Variants in IL12RB2 observed in about 807,000 individuals in gnomAD.
The protein encoded by IL12RB2 is interleukin-12 receptor subunit beta-2.
In IL12RB2, 82 loss-of-function variants were observed where a neutral mutation model predicts 89.4. The observed-to-expected ratio is 0.92, with a 90% CI of 0.77 to 1.10. The LOEUF (loss-of-function observed/expected upper bound fraction) is 1.10, where lower values mean the gene tolerates loss of function less well. Among genes scored for constraint, IL12RB2 ranks in the 50% least tolerant of loss-of-function variants. The pLI, the probability that IL12RB2 is intolerant of heterozygous loss-of-function variation, is 0.00. For missense variants in IL12RB2, 963 were observed against 1,031.9 expected (o/e 0.93, Z 0.92); for synonymous variants, 368 against 370.1 (o/e 0.99, Z 0.07).
rs191021644 is a variant in IL12RB2 at position 67,331,788 on chromosome 1, A to G, written c.958+978A>G. Among the ~76,000 whole-genome samples, 315 of 152,258 alleles carry G rather than the reference A, an allele frequency of 2.1e-3. 5 individuals carry two copies. The highest frequency in any genetic ancestry group is 0.02 in the Admixed American group (303 of 15,290). On this transcript the variant is annotated intron_variant, in intron 8 of 16. Coordinates refer to ENST00000674203, the MANE Select transcript of IL12RB2 (RefSeq NM_001374259.2). The stretch of plus-strand genomic sequence containing the variant: ...CAGGAGGCAAAGGTTGCAATGAGCC[A>G]AGATTGTGCCACTGCAATCCAGCCT...
intron 1 of IL12RB2, among the ~76,000 whole-genome samples, chr1:67,313,639 T>C (rs1045219003): frequency 6.6e-6 from 1 of 152,028 alleles, no homozygotes; most frequent in Non-Finnish European, 1.5e-5. Context: ...CTGGCCAACA[T>C]GGTAAAACCC....
intron 14 of IL12RB2, among the ~76,000 whole-genome samples, chr1:67,380,434 T>C (rs1206901752): frequency 3.3e-5 from 5 of 152,220 alleles, no homozygotes; most frequent in Non-Finnish European, 7.3e-5. Context: ...TAGGCAAGGA[T>C]TGATATCTGT....
rs571588703 is a variant in IL12RB2 at position 67,396,492 on chromosome 1, A to C, written c.*403A>C. ...GCACCTGCTACACAGCAGGCTGTAC[A>C]CAGCAGATCAGTACTGTTCAACAGA... On this transcript the variant is annotated 3_prime_UTR_variant, in exon 17 of 17. Coordinates refer to ENST00000674203, the MANE Select transcript of IL12RB2 (RefSeq NM_001374259.2). The C allele has an allele frequency of 1.2e-5, 4 of 341,236 alleles. No homozygotes were observed. The highest frequency in any genetic ancestry group is 8.5e-5 in the African/African-American group (4 of 47,188). 21.1% of individuals were successfully genotyped at this position (341,236 alleles called of 1,614,324 possible). A position where few individuals can be genotyped will look rare whatever the true frequency, so the allele number is the denominator to read the frequency against.
chr1:67,353,763 T>A (rs556414234), intron 10 of IL12RB2, among the ~76,000 whole-genome samples: 31 of 152,332 alleles, frequency 2.0e-4, no homozygotes, highest in African/African-American at 7.2e-4. Flanking sequence ...GTACTGTGTA[T>A]GTAATTTTTA....
intron 16 of IL12RB2, 99 bp from the exon 17 acceptor site, chr1:67,395,448 A>G: frequency 6.2e-7 from 1 of 1,608,732 alleles, no homozygotes; most frequent in Non-Finnish European, 8.5e-7. Context: ...AGGGCTGAGG[A>G]GACAGTGCAG....
At chr1:67,327,334 A>G (rs138300884) in intron 5 of IL12RB2, among the ~76,000 whole-genome samples, 1 of 152,302 alleles carries the variant, frequency 6.6e-6, no homozygotes, top group Admixed American at 6.5e-5. Flanking sequence ...AAGAGTTTCT[A>G]TGTTTATAGT....
intron 1 of IL12RB2, among the ~76,000 whole-genome samples, chr1:67,311,140 C>A (rs550410660): frequency 6.6e-6 from 1 of 152,144 alleles, no homozygotes; most frequent in Non-Finnish European, 1.5e-5. Context: ...GTGTCCTGGG[C>A]GGATCCACTG....
chr1:67,344,609 C>T (rs1660013906), intron 9 of IL12RB2, among the ~76,000 whole-genome samples: 1 of 152,190 alleles, frequency 6.6e-6, no homozygotes, highest in South Asian at 2.1e-4. Flanking sequence ...TACATTTTAT[C>T]TAACCCAGTA....
intron 1 of IL12RB2, among the ~76,000 whole-genome samples, chr1:67,312,292 G>C (rs548660712): frequency 6.6e-6 from 1 of 152,194 alleles, no homozygotes; most frequent in African/African-American, 2.4e-5. Flanking sequence ...TGGAGTTTCC[G>C]AAGCTTTATT....
intron 9 of IL12RB2, among the ~76,000 whole-genome samples, chr1:67,341,410 C>T (rs962747035): frequency 3.8e-5 from 5 of 130,808 alleles, no homozygotes; most frequent in Admixed American, 8.8e-5. Context: ...CAGAGCAAGA[C>T]AAAGAAGGAA....
At chr1:67,351,211 C>G in intron 10 of IL12RB2, 122 bp downstream of exon 10, 2 of 1,523,580 alleles carry the variant, frequency 1.3e-6, no homozygotes, top group Non-Finnish European at 1.8e-6. Context: ...TTGGAGTCAA[C>G]AGCTTTCAGA....
rs568030519 is a variant in IL12RB2, at chr1:67,365,653, A to C, written c.1259-2172A>C. ...GATGATATGAAACTTGGTATATTAC[A>C]GGGATGAGATGCCAAATGTGATGAC... On this transcript the variant is annotated intron_variant, in intron 10 of 16. Coordinates refer to ENST00000674203, the MANE Select transcript of IL12RB2 (RefSeq NM_001374259.2). Among the ~76,000 whole-genome samples the C allele has an allele frequency of 5.9e-5, 9 of 152,300 alleles. No homozygotes were observed. The East Asian group carries it at 1.7e-3, about 29-fold the overall frequency.
At chr1:67,378,060 T>C (rs1664166060) in intron 13 of IL12RB2, among the ~76,000 whole-genome samples, 1 of 152,096 alleles carries the variant, frequency 6.6e-6, no homozygotes, top group African/African-American at 2.4e-5. Flanking sequence ...CAGGTTGCAG[T>C]GAACTGAGAT....
chr1:67,387,700 C>CAA (rs10667103), intron 15 of IL12RB2, among the ~76,000 whole-genome samples: 6,344 of 100,642 alleles, frequency 0.063, 341 homozygotes, highest in Admixed American at 0.087. Context: ...AAGACTGTCT[C>CAA]AAAAAAAAAA....
rs1240657766 is a variant in IL12RB2 at position 67,372,767 on chromosome 1, C to T, written c.1701C>T (p.Ser567=). 6.2e-6 allele frequency: 10 copies of T among 1,608,484 alleles called. No individual in the cohort carries two copies. Among genetic ancestry groups the T allele is most frequent in the Non-Finnish European group, 8.5e-6 (10 of 1,175,018 alleles). Residue 567 remains serine (S), a synonymous_variant, in exon 13 of 17, where the codon TCC becomes TCT. Transcript: ENST00000674203. ...ACTGGAAGGAACGGGACTCCAACTCCCAGCCTCAGCTCTGTGGTATGTGTG... is the reference window on the plus strand; with the variant it reads ...ACTGGAAGGAACGGGACTCCAACTCTCAGCCTCAGCTCTGTGGTATGTGTG... ...RIYWKERDSN[S]QPQLCEIPYR...
chr1:67,311,057 A>G (rs932715748), intron 1 of IL12RB2, among the ~76,000 whole-genome samples: 1 of 152,084 alleles, frequency 6.6e-6, no homozygotes, highest in Non-Finnish European at 1.5e-5. Context: ...TTTACAGATG[A>G]AGGAACTTAG....
At chr1:67,365,535 T>A (rs1485499103) in intron 10 of IL12RB2, among the ~76,000 whole-genome samples, 1 of 152,166 alleles carries the variant, frequency 6.6e-6, no homozygotes, top group African/African-American at 2.4e-5. Flanking sequence ...AATTTGATAA[T>A]CTAGATGAAA....
At chr1:67,368,794 T>A (rs1408854100) in intron 11 of IL12RB2, among the ~76,000 whole-genome samples, 1 of 152,154 alleles carries the variant, frequency 6.6e-6, no homozygotes, top group Non-Finnish European at 1.5e-5. Flanking sequence ...AGTTTCCTCA[T>A]CTGAAAAATG....
At chr1:67,382,530 T>G (rs1449323860) in intron 14 of IL12RB2, among the ~76,000 whole-genome samples, 1 of 152,216 alleles carries the variant, frequency 6.6e-6, no homozygotes, top group Non-Finnish European at 1.5e-5. Flanking sequence ...CCCATCTAGT[T>G]TGATCCTTTG....
Sources: allele counts gnomAD v4.1 joint callset (sites outside exome capture counted in the v4.1 genomes callset), GRCh38; gene constraint gnomAD v4.1.1; transcripts MANE v1.5; gene names NCBI Gene and HGNC (gene_info 2026-07-23, HGNC 2026-07-21).